Variants in IGSF10 observed in about 807,000 individuals in gnomAD.
The protein encoded by IGSF10 is calvaria mechanical force protein 608.
IGSF10 carries 126 observed loss-of-function variants against 128.2 expected under a neutral mutation model. The observed-to-expected ratio is 0.98, with a 90% confidence interval of 0.85 to 1.14. IGSF10 has a LOEUF of 1.14. Ranked by LOEUF, IGSF10 falls within the 50% of genes most tolerant of loss-of-function variation. The probability of loss-of-function intolerance (pLI) is 0.00; values close to 1 mark genes in which losing one functional copy is unlikely to be tolerated. For synonymous variants in IGSF10, 1,185 were observed against 1,146.2 expected (o/e 1.03, Z -0.68); for missense variants, 3,295 against 3,149.8 (o/e 1.05, Z -1.10).
the IGSF10 span, among the ~76,000 whole-genome samples, chr3:151,581,576 T>C: frequency 6.6e-6 from 1 of 152,182 alleles, no homozygotes; most frequent in South Asian, 2.1e-4. Context: ...GCTTCCACCA[T>C]GTAATGGGTC....
intron 7 of IGSF10, among the ~76,000 whole-genome samples, chr3:151,439,606 CTG>C (rs1322783464): frequency 6.6e-6 from 1 of 152,184 alleles, no homozygotes; most frequent in Non-Finnish European, 1.5e-5. Context: ...AAAAATGAAA[CTG>C]TTTTAGAAAA....
At chr3:151,440,079 A>G (rs116007625) in intron 7 of IGSF10, among the ~76,000 whole-genome samples, 4,212 of 152,198 alleles carry the variant, frequency 0.028, 192 homozygotes, top group African/African-American at 0.095. Flanking sequence ...AGCCCAGGCT[A>G]GAGTGCAGTG....
chr3:151,451,674 CTG>C (rs1721515272), intron 5 of IGSF10, among the ~76,000 whole-genome samples: 1 of 152,194 alleles, frequency 6.6e-6, no homozygotes, highest in South Asian at 2.1e-4. Flanking sequence ...CCTATAAAGA[CTG>C]TCATAGCTAT....
the IGSF10 span, among the ~76,000 whole-genome samples, chr3:151,617,944 A>G: frequency 6.6e-6 from 1 of 152,208 alleles, no homozygotes; most frequent in Non-Finnish European, 1.5e-5. Flanking sequence ...AGCATCCTGC[A>G]TCGAATAAAT....
the IGSF10 span, among the ~76,000 whole-genome samples, chr3:151,571,274 A>G: frequency 4.6e-5 from 7 of 152,172 alleles, no homozygotes; most frequent in African/African-American, 1.7e-4. Context: ...GAAGAAAGTC[A>G]TTGGTAGCTT....
chr3:151,570,949 A>C, the IGSF10 span, among the ~76,000 whole-genome samples: 1 of 152,216 alleles, frequency 6.6e-6, no homozygotes. Context: ...AGCTTTCTAC[A>C]TATGGCTAGC....
the IGSF10 span, among the ~76,000 whole-genome samples, chr3:151,491,517 G>T: frequency 1.3e-5 from 2 of 152,182 alleles, no homozygotes; most frequent in Non-Finnish European, 2.9e-5. Context: ...GGTAGAGATT[G>T]CAGTGAGCCA....
the IGSF10 span, among the ~76,000 whole-genome samples, chr3:151,547,150 T>A: frequency 6.6e-6 from 1 of 152,174 alleles, no homozygotes; most frequent in African/African-American, 2.4e-5. Flanking sequence ...TTCTATTAAC[T>A]TTCTACCATG....
chr3:151,577,845 A>C, the IGSF10 span, among the ~76,000 whole-genome samples: 1 of 152,210 alleles, frequency 6.6e-6, no homozygotes, highest in Non-Finnish European at 1.5e-5. Flanking sequence ...AAGTGAGCTC[A>C]CCTGGGGTAA....
the IGSF10 span, among the ~76,000 whole-genome samples, chr3:151,505,280 G>A: frequency 2.6e-5 from 4 of 152,166 alleles, no homozygotes; most frequent in Non-Finnish European, 4.4e-5. Context: ...TCACATGGCA[G>A]TAGGGAAAGA....
chr3:151,509,098 C>T, the IGSF10 span, among the ~76,000 whole-genome samples: 1 of 152,144 alleles, frequency 6.6e-6, no homozygotes, highest in Non-Finnish European at 1.5e-5. Flanking sequence ...GAAAAGGACC[C>T]TGGAAAACAC....
chr3:151,542,984 ACAT>A, the IGSF10 span, among the ~76,000 whole-genome samples: 62 of 152,196 alleles, frequency 4.1e-4, no homozygotes, highest in Non-Finnish European at 7.1e-4. Context: ...CCAATTCTAG[ACAT>A]CGTCTATTGA....
intron 3 of IGSF10, 22 bp from the exon 4 acceptor site, chr3:151,457,177 T>C (rs1313719186): frequency 2.5e-6 from 4 of 1,612,404 alleles, no homozygotes; most frequent in East Asian, 2.2e-5. Context: ...AATGACATTC[T>C]AGGCATAAGC....
chr3:151,502,556 T>A, the IGSF10 span, among the ~76,000 whole-genome samples: 5 of 152,020 alleles, frequency 3.3e-5, no homozygotes, highest in Admixed American at 1.3e-4. Context: ...CAAGGAAAAA[T>A]TCAGAACCTA....
chr3:151,493,103 A>G, the IGSF10 span, among the ~76,000 whole-genome samples: 1 of 152,176 alleles, frequency 6.6e-6, no homozygotes, highest in Admixed American at 6.6e-5. Context: ...ACTCATGTGT[A>G]GAATATTTTG....
the IGSF10 span, among the ~76,000 whole-genome samples, chr3:151,473,403 C>T: frequency 1.3e-5 from 2 of 150,310 alleles, no homozygotes; most frequent in African/African-American, 5.0e-5. Context: ...CCTACGCTCA[C>T]TAACTTTTTC....
the IGSF10 span, among the ~76,000 whole-genome samples, chr3:151,525,002 C>CTTTTTTTTTT: frequency 2.0e-5 from 1 of 49,738 alleles, no homozygotes. Flanking sequence ...TGCATTACAC[C>CTTTTTTTTTT]TTTTTTTTTT....
chr3:151,617,149 C>A, the IGSF10 span, among the ~76,000 whole-genome samples: 1 of 150,430 alleles, frequency 6.6e-6, no homozygotes, highest in Non-Finnish European at 1.5e-5. Flanking sequence ...TTCTTCTTCT[C>A]CCCCTCCCCC....
At chr3:151,451,579 AAATT>A (rs1280993564) in intron 5 of IGSF10, among the ~76,000 whole-genome samples, 2 of 152,188 alleles carry the variant, frequency 1.3e-5, no homozygotes, top group African/African-American at 4.8e-5. Flanking sequence ...TTCAACTTAT[AAATT>A]AAGATGTGCC....
Sources: gnomAD v4.1 joint callset for allele counts (sites outside exome capture counted in the v4.1 genomes callset) on GRCh38, gnomAD v4.1.1 for gene constraint, MANE v1.5 for transcripts, NCBI Gene and HGNC (gene_info 2026-07-23, HGNC 2026-07-21) for gene names.